The following MSR1 variants were observed in gnomAD, a reference collection of about 807,000 sequenced individuals.
MSR1 encodes the protein macrophage scavenger receptor 1.
In MSR1, 53 loss-of-function variants were observed where a neutral mutation model predicts 47.2. That is an observed-to-expected ratio of 1.12 (90% CI 0.90 to 1.41). MSR1 has a LOEUF of 1.41. Among genes scored for constraint, MSR1 ranks in the 40% most tolerant of loss-of-function variants. MSR1 has a pLI of 0.00. For missense variants in MSR1, 786 were observed against 546.9 expected, an observed-to-expected ratio of 1.44 and a Z score of -4.36; for synonymous variants, 239 against 185.6, an observed-to-expected ratio of 1.29 and a Z score of -2.34.
intron 8 of MSR1, among the ~76,000 whole-genome samples, chr8:16,124,257 A>G (rs781375901): frequency 2.0e-5 from 3 of 152,198 alleles, no homozygotes; most frequent in Non-Finnish European, 2.9e-5. Context: ...AGTTTTGAGC[A>G]GACAAAAAAT....
chr8:16,168,812 A>G lies in MSR1; in HGVS notation c.276T>C (p.Asp92=). The change falls in exon 4 of 10, where the codon GAT becomes GAC. Residue 92 remains aspartate (D), a synonymous_variant. Coordinates refer to ENST00000262101, the MANE Select transcript of MSR1 (RefSeq NM_138715.3). ...CTTTTCCCGTGAGACTTTGAGTTAT[A>G]TCATTTGCATTAGTTGAACTAACTG... ...NCSVSSTNAN[D]ITQSLTGKGN... The G allele has an allele frequency of 1.2e-6, 2 of 1,613,984 alleles. No homozygotes were observed. The highest frequency in any genetic ancestry group is 1.7e-6 in the Non-Finnish European group (2 of 1,179,984).
At chr8:16,162,994 G>A (rs1169769654) in intron 5 of MSR1, among the ~76,000 whole-genome samples, 1 of 151,954 alleles carries the variant, frequency 6.6e-6, no homozygotes, top group Admixed American at 6.6e-5. Flanking sequence ...CAGGAAACTA[G>A]GGAAGAGGAT....
intron 8 of MSR1, among the ~76,000 whole-genome samples, chr8:16,137,578 A>G (rs1212045732): frequency 6.6e-6 from 1 of 152,120 alleles, no homozygotes; most frequent in East Asian, 1.9e-4. Flanking sequence ...AGATTTAAAG[A>G]CCTGGCTTTG....
At chr8:16,136,427 C>T (rs984894778) in intron 8 of MSR1, among the ~76,000 whole-genome samples, 3 of 152,062 alleles carry the variant, frequency 2.0e-5, no homozygotes, top group Non-Finnish European at 2.9e-5. Context: ...TAATAGACTC[C>T]AGTGTAGTGT....
intron 9 of MSR1, among the ~76,000 whole-genome samples, chr8:16,118,122 C>T (rs1464781527): frequency 1.3e-5 from 2 of 151,884 alleles, no homozygotes; most frequent in Non-Finnish European, 2.9e-5. Flanking sequence ...GGATACTTTT[C>T]TTTTTTTTAT....
At chr8:16,188,956 C>T (rs138831322) in intron 1 of MSR1, among the ~76,000 whole-genome samples, 1,238 of 87,750 alleles carry the variant, frequency 0.014, 26 homozygotes, top group African/African-American at 0.07. Flanking sequence ...CCTAATAATT[C>T]AACACACATA....
chr8:16,121,222 T>C (rs1291868686), intron 8 of MSR1: 4 of 398,344 alleles, frequency 1.0e-5, no homozygotes, highest in Non-Finnish European at 2.0e-5. Flanking sequence ...TAGAAAAAAA[T>C]ATTAACGAGA....
chr8:16,155,001 A>G (rs940232518), intron 6 of MSR1, 63 bp downstream of exon 6: 1 of 1,361,916 alleles, frequency 7.3e-7, no homozygotes, highest in Non-Finnish European at 1.0e-6. Context: ...TCCCCTACAC[A>G]TGTACCTGGA....
Position 16,155,162 on chromosome 8 carries a change from T to C in MSR1, c.818-18A>G. 1 of 1,590,090 alleles carries C rather than the reference T, an allele frequency of 6.3e-7. No individual in the cohort carries two copies. Among genetic ancestry groups the C allele is most frequent in the Non-Finnish European group, 8.6e-7 (1 of 1,159,674 alleles). On this transcript the variant is annotated intron_variant, in intron 5 of 9. Transcript: ENST00000262101. ...AGGAGGACCTTTAAAAAAATTACAG[T>C]TACTGATCATAGTTGTAAAGCATAG...
intron 1 of MSR1, among the ~76,000 whole-genome samples, chr8:16,181,020 A>G (rs985762404): frequency 6.6e-6 from 1 of 151,762 alleles, no homozygotes; most frequent in Non-Finnish European, 1.5e-5. Flanking sequence ...AAGAAGCCAA[A>G]CTGGATTATT....
At chr8:16,178,465 C>T (rs425049) in intron 1 of MSR1, among the ~76,000 whole-genome samples, 31,922 of 151,970 alleles carry the variant, frequency 0.21, 4,387 homozygotes, top group East Asian at 0.54. Flanking sequence ...TAGTACTCCA[C>T]GGTGTACATG....
intron 1 of MSR1, among the ~76,000 whole-genome samples, chr8:16,180,800 G>A (rs889193464): frequency 3.3e-5 from 5 of 152,106 alleles, no homozygotes; most frequent in Non-Finnish European, 7.4e-5. Flanking sequence ...TTGGAAGTTT[G>A]CAGTGACAGT....
intron 5 of MSR1, among the ~76,000 whole-genome samples, chr8:16,161,096 A>G (rs775047847): frequency 6.7e-6 from 1 of 149,068 alleles, no homozygotes; most frequent in African/African-American, 2.5e-5. Context: ...ACACCAACTG[A>G]GAAGCGGATG....
chr8:16,122,628 T>C (rs1800029706), intron 8 of MSR1, among the ~76,000 whole-genome samples: 1 of 152,086 alleles, frequency 6.6e-6, no homozygotes. Context: ...CAACAGCTAA[T>C]TCTGTTGGTC....
At chr8:16,115,029 A>G (rs989239227) in intron 9 of MSR1, among the ~76,000 whole-genome samples, 2 of 151,854 alleles carry the variant, frequency 1.3e-5, no homozygotes, top group African/African-American at 4.8e-5. Context: ...TATACAAAAA[A>G]TTAGTTGGGT....
intron 8 of MSR1, among the ~76,000 whole-genome samples, chr8:16,137,610 T>C (rs752141340): frequency 2.4e-4 from 36 of 152,120 alleles, no homozygotes; most frequent in Non-Finnish European, 4.1e-4. Flanking sequence ...TTCCACTTAT[T>C]AGCAGTAAGC....
intron 1 of MSR1, among the ~76,000 whole-genome samples, chr8:16,183,895 A>T (rs894179825): frequency 7.1e-6 from 1 of 141,340 alleles, no homozygotes. Context: ...TATAATATAT[A>T]ATTATATATA....
intron 9 of MSR1, among the ~76,000 whole-genome samples, chr8:16,117,693 A>G (rs757084280): frequency 8.5e-5 from 13 of 152,098 alleles, no homozygotes; most frequent in Non-Finnish European, 1.8e-4. Flanking sequence ...TTCTACAGTG[A>G]TAGCAACCAA....
At chr8:16,171,218 G>C (rs562590544) in intron 3 of MSR1, among the ~76,000 whole-genome samples, 124 of 85,220 alleles carry the variant, frequency 1.5e-3, no homozygotes, top group African/African-American at 5.3e-3. Context: ...GACAGAGCAA[G>C]ACTCAGTCTC....
Sources: gnomAD v4.1 joint callset for allele counts (sites outside exome capture counted in the v4.1 genomes callset) on GRCh38, gnomAD v4.1.1 for gene constraint, MANE v1.5 for transcripts, NCBI Gene and HGNC (gene_info 2026-07-23, HGNC 2026-07-21) for gene names.